Variants in ESRRB observed in about 807,000 individuals in gnomAD.
ESRRB encodes estrogen related receptor beta.
In ESRRB, 16 loss-of-function variants were observed where a neutral mutation model predicts 46.0. That is an observed-to-expected ratio of 0.35 (90% CI 0.24 to 0.53). The LOEUF (loss-of-function observed/expected upper bound fraction) is 0.53. Among genes scored for constraint, ESRRB ranks in the 20% least tolerant of loss-of-function variants. The pLI, the probability that ESRRB is intolerant of heterozygous loss-of-function variation, is 0.93. For missense variants in ESRRB, 488 were observed against 607.4 expected, an observed-to-expected ratio of 0.80 and a Z score of 2.07; for synonymous variants, 246 against 259.6, an observed-to-expected ratio of 0.95 and a Z score of 0.50.
chr14:76,409,008 G>A (rs1330693816), intron 1 of ESRRB, among the ~76,000 whole-genome samples: 4 of 152,280 alleles, frequency 2.6e-5, no homozygotes, highest in Middle Eastern at 3.4e-3. Flanking sequence ...GGCCATGCAG[G>A]TAGTGAGTGG....
intron 1 of ESRRB, 21 bp from the exon 2 acceptor site, chr14:76,439,320 C>T (rs773881797): frequency 6.2e-7 from 1 of 1,613,554 alleles, no homozygotes; most frequent in Admixed American, 1.7e-5. Flanking sequence ...CTGGGGCTGA[C>T]TTCCCGATTT....
intron 1 of ESRRB, among the ~76,000 whole-genome samples, chr14:76,397,927 G>T (rs920232984): frequency 2.6e-5 from 4 of 152,186 alleles, no homozygotes; most frequent in Non-Finnish European, 4.4e-5. Flanking sequence ...CAGCAGCCAG[G>T]GGCTTGCACT....
upstream of ESRRB, among the ~76,000 whole-genome samples, chr14:76,367,327 G>A (rs772870530): frequency 6.6e-6 from 1 of 152,120 alleles, no homozygotes; most frequent in Non-Finnish European, 1.5e-5. Flanking sequence ...GGCCAAGGTG[G>A]TAGGATCACT....
At position 76,498,747 on chromosome 14, in the gene ESRRB, C is replaced by G. The variant is rs1309684605; in HGVS notation, c.*289C>G. ...GGAGGCCTGGGCCAGGGCTGACTCC[C>G]TTCAGGAGTGGAGGCCACTGGAGCA... On this transcript the variant is annotated 3_prime_UTR_variant, in exon 7 of 7. Transcript: ENST00000644823. 1.1e-6 allele frequency: 1 copy of G among 931,094 alleles called. No individual in the cohort carries two copies. The highest frequency in any genetic ancestry group is 1.8e-5 in the Admixed American group (1 of 54,700). The allele number at this position is 931,094 out of a possible 1,614,324, so 57.7% of individuals were successfully genotyped here. A position where few individuals can be genotyped will look rare whatever the true frequency, so the allele number is the denominator to read the frequency against.
At chr14:76,421,496 T>C (rs777511237) in intron 1 of ESRRB, among the ~76,000 whole-genome samples, 7 of 152,252 alleles carry the variant, frequency 4.6e-5, no homozygotes, top group Non-Finnish European at 8.8e-5. Context: ...GGTTATATAA[T>C]ATAGCAGCAT....
rs769857569 is a variant in ESRRB, at chr14:76,439,672, G to A, written c.382G>A (p.Gly128Arg). Residue 128 changes from glycine (G) to arginine (R), a missense_variant, in exon 2 of 7, where the codon GGG becomes AGG. Physicochemically the swap from Gly to Arg is moderately radical, Grantham distance 125. Transcript: ENST00000644823. ...AIPKRLCLVC[G>R]DIASGYHYGV... Reference sequence around the variant, plus strand: ...CCCCAAGCGCCTGTGCCTCGTGTGCGGGGACATTGCCTCTGGCTACCACTA... The same window carrying A: ...CCCCAAGCGCCTGTGCCTCGTGTGCAGGGACATTGCCTCTGGCTACCACTA... 3.7e-6 allele frequency: 6 copies of A among 1,614,222 alleles called. No individual in the cohort carries two copies. Among genetic ancestry groups the A allele is most frequent in the Non-Finnish European group, 4.2e-6 (5 of 1,180,036 alleles).
chr14:76,412,954 A>ATAAAT lies in ESRRB; in HGVS notation c.51-26373_51-26369dup, dbSNP rs1218519415. 2.0e-5 allele frequency among the ~76,000 whole-genome samples: 3 copies of ATAAAT among 152,306 alleles called. No homozygotes were observed. The East Asian group carries it at 5.8e-4, about 29-fold the overall frequency. ...AACATAGGGAGACCCTATCTCTACA[A>ATAAAT]TAAATTAAATTAAATTAACTAGGGA... On this transcript the variant is annotated intron_variant, in intron 1 of 6. Coordinates refer to ENST00000644823, the MANE Select transcript of ESRRB (RefSeq NM_001379180.1).
At chr14:76,422,806 G>C (rs569295737) in intron 1 of ESRRB, among the ~76,000 whole-genome samples, 3 of 152,146 alleles carry the variant, frequency 2.0e-5, no homozygotes, top group Admixed American at 1.3e-4. Flanking sequence ...CCGGGATTCC[G>C]ACACAGGCGA....
At chr14:76,354,242 A>G in intron 1 of ESRRB, among the ~76,000 whole-genome samples, 1 of 19,594 alleles carries the variant, frequency 5.1e-5, no homozygotes, top group Non-Finnish European at 8.8e-5. Flanking sequence ...CCCCACCCAC[A>G]CTTCCACCCT....
At chr14:76,454,593 C>T (rs11845907) in intron 2 of ESRRB, among the ~76,000 whole-genome samples, 18,790 of 151,972 alleles carry the variant, frequency 0.12, 1,790 homozygotes, top group African/African-American at 0.28. Flanking sequence ...ATGGGAGGGC[C>T]GGGGGCTCCA....
intron 3 of ESRRB, among the ~76,000 whole-genome samples, chr14:76,474,657 A>G (rs931139152): frequency 6.6e-6 from 1 of 152,108 alleles, no homozygotes; most frequent in Admixed American, 6.5e-5. Flanking sequence ...CCTGGCCAAC[A>G]TGGTGAAACC....
rs377501217 is a variant in ESRRB at position 76,481,991 on chromosome 14, A to G, written c.578-25A>G. On this transcript the variant is annotated intron_variant, in intron 3 of 6. Transcript: ENST00000644823. ...CTGGTGATGTTGAACAACTGCTGAG[A>G]TCTTTTCCCTTTCCTCCCCAATAGG... The G allele has an allele frequency of 6.9e-6, 11 of 1,605,382 alleles. No individual in the cohort carries two copies. In the South Asian group the frequency reaches 1.2e-4, roughly 18 times the overall value.
Position 76,498,907 on chromosome 14 carries a change from G to C in ESRRB, c.*449G>C, listed in dbSNP as rs774411245. 5 of 528,140 alleles carry C rather than the reference G, an allele frequency of 9.5e-6. No homozygotes were observed. Among genetic ancestry groups the C allele is most frequent in the South Asian group, 1.4e-5 (1 of 70,486 alleles). The allele number at this position is 528,140 out of a possible 1,614,324, so 32.7% of individuals were successfully genotyped here. A position where few individuals can be genotyped will look rare whatever the true frequency, so the allele number is the denominator to read the frequency against. ...CACCTGGAGGTTTTCCTTCCGCAGA[G>C]GGCAGGTACGCAAGGGACAACAGTA... On this transcript the variant is annotated 3_prime_UTR_variant, in exon 7 of 7. Transcript: ENST00000644823.
intron 6 of ESRRB, among the ~76,000 whole-genome samples, chr14:76,494,554 A>G (rs1595174587): frequency 6.6e-6 from 1 of 152,068 alleles, no homozygotes; most frequent in Non-Finnish European, 1.5e-5. Context: ...TGATCCACCC[A>G]CCTCAGCCTC....
chr14:76,487,441 T>C (rs1224688111), intron 5 of ESRRB, among the ~76,000 whole-genome samples: 1 of 152,196 alleles, frequency 6.6e-6, no homozygotes, highest in Non-Finnish European at 1.5e-5. Flanking sequence ...TTCTAACTTA[T>C]TTGGCACATT....
intron 1 of ESRRB, among the ~76,000 whole-genome samples, chr14:76,396,112 G>T (rs576083263): frequency 1.3e-5 from 2 of 152,308 alleles, no homozygotes; most frequent in South Asian, 4.2e-4. Flanking sequence ...GGCAGAGGTT[G>T]CAGTGAACCG....
chr14:76,351,986 T>TAAAA lies in ESRRB; in HGVS notation c.2+41090_2+41093dup, dbSNP rs201356393. On this transcript the variant is annotated intron_variant, in intron 1 of 6. Coordinates refer to the ESRRB transcript ENST00000512784. ...GGAGACAGAGTGAGACCCAGTCTCT[T>TAAAA]AAAAAAAAAAAAAAAAAAAAAAAGC... 2.0e-3 allele frequency among the ~76,000 whole-genome samples: 187 copies of TAAAA among 91,746 alleles called. 3 individuals are homozygous for TAAAA. The highest frequency in any genetic ancestry group is 6.3e-3 in the African/African-American group (131 of 20,848). The allele number at this position is 91,746 out of a possible 152,430, so 60.2% of individuals were successfully genotyped here. A position where few individuals can be genotyped will look rare whatever the true frequency, so the allele number is the denominator to read the frequency against.
intron 1 of ESRRB, among the ~76,000 whole-genome samples, chr14:76,333,469 T>C (rs566819566): frequency 1.1e-4 from 15 of 133,564 alleles, no homozygotes; most frequent in African/African-American, 4.2e-4. Context: ...TATAAATATA[T>C]CATATATAAA....
At chr14:76,430,337 G>A (rs1167806643) in intron 1 of ESRRB, among the ~76,000 whole-genome samples, 2 of 152,146 alleles carry the variant, frequency 1.3e-5, no homozygotes, top group Non-Finnish European at 2.9e-5. Context: ...TCTCTCAAGT[G>A]TTCAGAAACC....
Sources: gnomAD v4.1 joint callset for allele counts (sites outside exome capture counted in the v4.1 genomes callset) on GRCh38, gnomAD v4.1.1 for gene constraint, MANE v1.5 for transcripts, NCBI Gene and HGNC (gene_info 2026-07-23, HGNC 2026-07-21) for gene names.